The following ACTR3C variants were observed in gnomAD, a reference collection of about 807,000 sequenced individuals.
ACTR3C encodes actin related protein 3C, also known as actin-related protein 3C.
ACTR3C carries 18 observed loss-of-function variants against 26.3 expected under a neutral mutation model. The observed-to-expected ratio is 0.68, with a 90% CI of 0.47 to 1.01. The LOEUF (loss-of-function observed/expected upper bound fraction) is 1.01. Ranked by LOEUF, ACTR3C falls within the 50% of genes least tolerant of loss-of-function variation. The pLI, the probability that ACTR3C is intolerant of heterozygous loss-of-function variation, is 0.00. For missense variants in ACTR3C, 184 were observed against 250.7 expected, an observed-to-expected ratio of 0.73 and a Z score of 1.80; for synonymous variants, 55 against 94.5, an observed-to-expected ratio of 0.58 and a Z score of 2.42.
the ACTR3C span, among the ~76,000 whole-genome samples, chr7:149,911,249 T>A: frequency 6.6e-6 from 1 of 151,618 alleles, no homozygotes; most frequent in Non-Finnish European, 1.5e-5. Flanking sequence ...AAGATGCCTA[T>A]GGAATCCAAC....
chr7:149,967,028 ATTT>A, the ACTR3C span, among the ~76,000 whole-genome samples: 3,276 of 64,600 alleles, frequency 0.051, 173 homozygotes, highest in African/African-American at 0.16. Context: ...TGCACAGCTA[ATTT>A]TTTTTTTTTT....
At chr7:150,213,808 A>C in the ACTR3C span, among the ~76,000 whole-genome samples, 1 of 146,618 alleles carries the variant, frequency 6.8e-6, no homozygotes, top group African/African-American at 2.6e-5. Flanking sequence ...AGTTTATCAA[A>C]ATGTGAGTTT....
the ACTR3C span, among the ~76,000 whole-genome samples, chr7:150,143,313 C>G: frequency 1.3e-5 from 2 of 152,084 alleles, no homozygotes; most frequent in Admixed American, 1.3e-4. Context: ...ATATTAATGA[C>G]TTATGAAAAT....
chr7:150,009,711 A>G, the ACTR3C span, among the ~76,000 whole-genome samples: 1 of 152,214 alleles, frequency 6.6e-6, no homozygotes, highest in Non-Finnish European at 1.5e-5. Context: ...TGGATTAGGG[A>G]CGGACAGAGA....
At chr7:150,094,321 C>A in the ACTR3C span, among the ~76,000 whole-genome samples, 2 of 149,408 alleles carry the variant, frequency 1.3e-5, no homozygotes, top group Non-Finnish European at 2.9e-5. Flanking sequence ...CTTGCTTGAA[C>A]AAAGGCCATC....
At chr7:149,979,950 A>T in the ACTR3C span, among the ~76,000 whole-genome samples, 3 of 150,382 alleles carry the variant, frequency 2.0e-5, no homozygotes, top group Non-Finnish European at 2.9e-5. Flanking sequence ...AAGAATTAAG[A>T]ATGAGGAGTG....
chr7:150,197,979 C>G, the ACTR3C span, among the ~76,000 whole-genome samples: 3 of 151,078 alleles, frequency 2.0e-5, 1 homozygote, highest in African/African-American at 4.9e-5. Flanking sequence ...CTCAGCCTGC[C>G]GAGTGCCTGT....
In ACTR3C at chr7:150,279,328, T is replaced by G. The variant is rs1418611587; in HGVS notation, c.564+5425A>C. ...TCTAAATAGTAAGTATTTATTTATT[T>G]TATATCTATAACCCATTTACCCTGC... is the stretch of plus-strand genomic sequence containing the variant. On this transcript the variant is annotated intron_variant, in intron 6 of 7. Transcript: ENST00000683684. Among the ~76,000 whole-genome samples, 4 of 152,246 alleles carry G rather than the reference T, an allele frequency of 2.6e-5. No homozygotes were observed. In the East Asian group the frequency reaches 5.8e-4, roughly 22 times the overall value.
chr7:150,059,042 T>A, the ACTR3C span, among the ~76,000 whole-genome samples: 1 of 152,204 alleles, frequency 6.6e-6, no homozygotes, highest in African/African-American at 2.4e-5. Flanking sequence ...CCCACCCAGA[T>A]AAAATCCCCC....
the ACTR3C span, among the ~76,000 whole-genome samples, chr7:150,194,299 T>A: frequency 4.1e-4 from 60 of 147,046 alleles, no homozygotes; most frequent in Non-Finnish European, 1.2e-4. Flanking sequence ...AAAAGTCTTT[T>A]CTTTTCTATG....
chr7:150,059,360 T>C, the ACTR3C span, among the ~76,000 whole-genome samples: 17 of 152,302 alleles, frequency 1.1e-4, no homozygotes, highest in African/African-American at 4.1e-4. Context: ...CATCAAGCCT[T>C]CCCACCTGAT....
chr7:149,967,970 G>A, the ACTR3C span, among the ~76,000 whole-genome samples: 1 of 152,182 alleles, frequency 6.6e-6, no homozygotes, highest in African/African-American at 2.4e-5. Context: ...AAGCTCAACT[G>A]ACAGTACTCA....
At chr7:150,206,561 G>A in the ACTR3C span, among the ~76,000 whole-genome samples, 1 of 152,020 alleles carries the variant, frequency 6.6e-6, no homozygotes, top group Admixed American at 6.6e-5. Context: ...TTATAGGCAT[G>A]CACCACCATG....
the ACTR3C span, among the ~76,000 whole-genome samples, chr7:150,195,118 T>C: frequency 1.4e-5 from 2 of 139,906 alleles, no homozygotes; most frequent in Admixed American, 1.5e-4. Context: ...TATATATATA[T>C]ATATGTATAT....
intron 6 of ACTR3C, chr7:150,264,614 C>T (rs1584868881): frequency 1.0e-6 from 1 of 974,854 alleles, no homozygotes; most frequent in Non-Finnish European, 1.2e-6. Context: ...ATTAAAACTT[C>T]AAAGCAAAGA....
chr7:150,148,261 G>A, the ACTR3C span, among the ~76,000 whole-genome samples: 4 of 151,238 alleles, frequency 2.6e-5, no homozygotes, highest in African/African-American at 9.7e-5. Flanking sequence ...GGCGGATCAC[G>A]AGGTCAGGAG....
chr7:149,981,891 G>C, the ACTR3C span, among the ~76,000 whole-genome samples: 1 of 152,226 alleles, frequency 6.6e-6, no homozygotes, highest in Non-Finnish European at 1.5e-5. Flanking sequence ...CAGCAGCACA[G>C]AACATCGGCC....
At chr7:150,305,729 C>T (rs1315372121) in intron 1 of ACTR3C, among the ~76,000 whole-genome samples, 1 of 152,082 alleles carries the variant, frequency 6.6e-6, no homozygotes, top group Non-Finnish European at 1.5e-5. Flanking sequence ...AGTGGAGTTC[C>T]CAGGTGCTCA....
chr7:150,033,886 G>A, the ACTR3C span, among the ~76,000 whole-genome samples: 2 of 151,360 alleles, frequency 1.3e-5, no homozygotes, highest in Non-Finnish European at 3.0e-5. Flanking sequence ...AAGGGGGGAA[G>A]AGGGGCTCGC....
Sources: allele counts gnomAD v4.1 joint callset (sites outside exome capture counted in the v4.1 genomes callset), GRCh38; gene constraint gnomAD v4.1.1; transcripts MANE v1.5; gene names NCBI Gene and HGNC (gene_info 2026-07-23, HGNC 2026-07-21).